CADPS2: variants seen among roughly 807,000 people sequenced by gnomAD.
CADPS2 encodes the protein calcium-dependent secretion activator 2.
A neutral mutation model predicts 172.5 loss-of-function variants in CADPS2; 93 were observed. The ratio of observed to expected loss-of-function variants is 0.54; its 90% CI spans 0.46 to 0.64. CADPS2 has a LOEUF of 0.64. Among genes scored for constraint, CADPS2 ranks in the 30% least tolerant of loss-of-function variants. CADPS2 has a pLI of 0.00. For synonymous variants in CADPS2, 546 were observed against 555.2 expected (o/e 0.98, Z 0.23); for missense variants, 1,420 against 1,565.9 (o/e 0.91, Z 1.57).
At chr7:122,749,094 TGAA>T (rs2092838657) in intron 1 of CADPS2, among the ~76,000 whole-genome samples, 1 of 151,980 alleles carries the variant, frequency 6.6e-6, no homozygotes, top group Non-Finnish European at 1.5e-5. Context: ...AAACCAAAAC[TGAA>T]GAAGAAAATA....
intron 2 of CADPS2, among the ~76,000 whole-genome samples, chr7:122,665,734 T>C (rs1120018): frequency 0.76 from 116,235 of 152,104 alleles, 44,502 homozygotes; most frequent in Non-Finnish European, 0.81. Context: ...ATTGTAAAGT[T>C]GAAAAATCAT....
At chr7:122,534,136 C>T (rs778062607) in intron 8 of CADPS2, among the ~76,000 whole-genome samples, 3 of 152,084 alleles carry the variant, frequency 2.0e-5, no homozygotes, top group Non-Finnish European at 4.4e-5. Context: ...TGAACATTTG[C>T]TGATCTGAAT....
chr7:122,701,949 G>A (rs1288480064), intron 2 of CADPS2: 3 of 1,613,590 alleles, frequency 1.9e-6, no homozygotes, highest in South Asian at 1.1e-5. Context: ...ACTACATCTT[G>A]GGGTTTGTAT....
At position 122,864,362 on chromosome 7, in the gene CADPS2, T is replaced by C. The variant is rs572984556; in HGVS notation, c.339+21637A>G. 8.5e-5 allele frequency among the ~76,000 whole-genome samples: 13 copies of C among 152,064 alleles called. No homozygotes were observed. The South Asian group carries it at 2.7e-3, about 32-fold the overall frequency. On this transcript the variant is annotated intron_variant, in intron 1 of 29. Transcript: ENST00000449022. ...AGGGGTGGTGGCATGTGCCCATGGT[T>C]CCAGCTACTTGGGAGGCTGGGTCAG... is the stretch of plus-strand genomic sequence containing the variant.
chr7:122,746,564 G>A (rs2092723345), intron 1 of CADPS2, among the ~76,000 whole-genome samples: 2 of 151,972 alleles, frequency 1.3e-5, no homozygotes, highest in Admixed American at 1.3e-4. Context: ...GGAAGAAGCA[G>A]ATTGTCTTGG....
At chr7:122,503,250 G>C (rs1428879608) in intron 9 of CADPS2, among the ~76,000 whole-genome samples, 7 of 151,876 alleles carry the variant, frequency 4.6e-5, no homozygotes, top group Non-Finnish European at 8.8e-5. Context: ...TGGCCAGGCT[G>C]GTCTTGAACT....
At chr7:122,558,198 AT>A (rs2065269344) in intron 7 of CADPS2, among the ~76,000 whole-genome samples, 1 of 152,130 alleles carries the variant, frequency 6.6e-6, no homozygotes, top group Admixed American at 6.6e-5. Context: ...ATAATGAAGA[AT>A]TGTTTTTTTT....
At chr7:122,697,848 A>AGTAG (rs751376283) in intron 2 of CADPS2, 5 of 1,610,872 alleles carry the variant, frequency 3.1e-6, no homozygotes, top group Non-Finnish European at 4.2e-6. Context: ...TATTCTGAGA[A>AGTAG]GTAGGGTTCT....
rs571875091 is a variant in CADPS2, at chr7:122,607,983, G to A, written c.1223+7198C>T. ...CCTGTAATCCCAGCACTTTGGGAGG[G>A]CGAGGTGGGTGGATCACGAGGTCAA... On this transcript the variant is annotated intron_variant, in intron 6 of 29. Coordinates refer to ENST00000449022, the MANE Select transcript of CADPS2 (RefSeq NM_017954.11). 4.9e-4 allele frequency among the ~76,000 whole-genome samples: 75 copies of A among 152,000 alleles called. 1 individual carries two copies. The highest frequency in any genetic ancestry group is 4.2e-3 in the Admixed American group (64 of 15,236).
chr7:122,750,885 T>C (rs2138376704), intron 1 of CADPS2, among the ~76,000 whole-genome samples: 1 of 152,246 alleles, frequency 6.6e-6, no homozygotes, highest in African/African-American at 2.4e-5. Context: ...TTTCTGGAGA[T>C]GGTAATTATG....
At position 122,808,688 on chromosome 7, in the gene CADPS2, A is replaced by G. The variant is rs528352980; in HGVS notation, c.340-71620T>C. Among the ~76,000 whole-genome samples the G allele has an allele frequency of 7.9e-5, 12 of 152,318 alleles. No homozygotes were observed. The East Asian group carries it at 2.3e-3, about 29-fold the overall frequency. On this transcript the variant is annotated intron_variant, in intron 1 of 29. Coordinates refer to ENST00000449022, the MANE Select transcript of CADPS2 (RefSeq NM_017954.11). ...TATAGTACCCTTATGGCTTTTTCTG[A>G]AATCCCAGCAGTTGCCACAATAATG...
At chr7:122,433,861 T>G (rs1025651526) in intron 17 of CADPS2, among the ~76,000 whole-genome samples, 1 of 152,230 alleles carries the variant, frequency 6.6e-6, no homozygotes, top group Non-Finnish European at 1.5e-5. Flanking sequence ...AAGTCCCTTT[T>G]GTTCTCTCCT....
At chr7:122,559,921 T>C (rs1158582104) in intron 7 of CADPS2, among the ~76,000 whole-genome samples, 1 of 151,900 alleles carries the variant, frequency 6.6e-6, no homozygotes, top group African/African-American at 2.4e-5. Flanking sequence ...AAGTTTGTGA[T>C]GTACCAAATT....
chr7:122,500,435 A>C (rs529334740), intron 9 of CADPS2, among the ~76,000 whole-genome samples: 1 of 152,336 alleles, frequency 6.6e-6, no homozygotes, highest in East Asian at 1.9e-4. Flanking sequence ...ACAGTTTAAC[A>C]GCACACATAA....
intron 11 of CADPS2, among the ~76,000 whole-genome samples, chr7:122,486,241 C>T (rs2057801091): frequency 6.6e-6 from 1 of 152,072 alleles, no homozygotes; most frequent in East Asian, 1.9e-4. Flanking sequence ...ATAGTAATTC[C>T]TATGAGACAT....
chr7:122,637,240 C>A (rs1429910938), intron 3 of CADPS2, among the ~76,000 whole-genome samples: 1 of 126,570 alleles, frequency 7.9e-6, no homozygotes, highest in Non-Finnish European at 1.6e-5. Context: ...GTGGCCCAGG[C>A]TAGAGAGCAG....
Position 122,320,276 on chromosome 7 carries a change from A to G in CADPS2, c.3780T>C (p.Tyr1260=), listed in dbSNP as rs1322036997. ...CTGTTAAACGTCTGTGCACAGTATC[A>G]TAAGTCTTACTGTTCAGTGTTCCTT... The part of the protein sequence containing the change: ...VLEGTLNSKT[Y]DTVHRRLTVE... The change falls in exon 30 of 30, where the codon TAT becomes TAC. Residue 1260 remains tyrosine (Y), a synonymous_variant. Transcript: ENST00000449022. 12 of 1,613,222 alleles carry G rather than the reference A, an allele frequency of 7.4e-6. No individual in the cohort carries two copies. The African/African-American group carries it at 8.0e-5, about 11-fold the overall frequency.
chr7:122,799,573 C>T (rs1268986060), intron 1 of CADPS2, among the ~76,000 whole-genome samples: 1 of 141,164 alleles, frequency 7.1e-6, no homozygotes, highest in African/African-American at 2.7e-5. Context: ...CACTGCACTC[C>T]AGCCTGGGTG....
At chr7:122,656,924 G>C (rs1324580886) in intron 3 of CADPS2, among the ~76,000 whole-genome samples, 1 of 152,178 alleles carries the variant, frequency 6.6e-6, no homozygotes, top group Non-Finnish European at 1.5e-5. Context: ...TTTTCTTCTA[G>C]GGTTTTTATG....
Sources: allele counts gnomAD v4.1 joint callset (sites outside exome capture counted in the v4.1 genomes callset), GRCh38; gene constraint gnomAD v4.1.1; transcripts MANE v1.5; gene names NCBI Gene and HGNC (gene_info 2026-07-23, HGNC 2026-07-21).